DNAJC1: variants seen among roughly 807,000 people sequenced by gnomAD.
DNAJC1 encodes DnaJ heat shock protein family (Hsp40) member C1.
In DNAJC1, 58 loss-of-function variants were observed where a neutral mutation model predicts 76.6. The ratio of observed to expected loss-of-function variants is 0.76; its 90% confidence interval spans 0.61 to 0.94. DNAJC1 has a LOEUF of 0.94. Ranked by LOEUF, DNAJC1 falls within the 40% of genes least tolerant of loss-of-function variation. The probability of loss-of-function intolerance (pLI) is 0.00; values close to 1 mark genes in which losing one functional copy is unlikely to be tolerated. For missense variants in DNAJC1, 689 were observed against 677.3 expected (o/e 1.02, Z -0.19); for synonymous variants, 258 against 267.9 (o/e 0.96, Z 0.36).
rs1204570851 is a variant in DNAJC1, at chr10:21,774,410, C to T, written c.1099-8101G>A. Among the ~76,000 whole-genome samples the T allele has an allele frequency of 2.6e-5, 4 of 152,074 alleles. No individual in the cohort carries two copies. The East Asian group carries it at 7.7e-4, about 29-fold the overall frequency. On this transcript the variant is annotated intron_variant, in intron 9 of 11. Transcript: ENST00000376980. ...CATAACCTGAGATTCATATAACTCT[C>T]TAACATCTTAAAGTCATGCTACAGC... is the stretch of plus-strand genomic sequence containing the variant.
chr10:21,761,368 T>C (rs758478039), intron 10 of DNAJC1, among the ~76,000 whole-genome samples: 9 of 152,112 alleles, frequency 5.9e-5, no homozygotes, highest in Non-Finnish European at 1.0e-4. Context: ...GAGACCAGCC[T>C]GGCCAACATG....
rs897031948 is a variant in DNAJC1 at position 21,979,382 on chromosome 10, A to G, written c.222+23831T>C. Reference sequence around the variant, plus strand: ...GATCTAAAGAATCTATATCCCAAATAAGGAAGCATGAGAACAAGGGTTTAA... The same window carrying G: ...GATCTAAAGAATCTATATCCCAAATGAGGAAGCATGAGAACAAGGGTTTAA... On this transcript the variant is annotated intron_variant, in intron 1 of 11. Transcript: ENST00000376980. 2.0e-5 allele frequency among the ~76,000 whole-genome samples: 3 copies of G among 152,050 alleles called. No homozygotes were observed. In the East Asian group the frequency reaches 5.8e-4, roughly 29 times the overall value.
chr10:21,759,579 T>C lies in DNAJC1; in HGVS notation c.1187A>G (p.Asn396Ser), dbSNP rs1324286848. Residue 396 changes from asparagine (N) to serine (S), a missense_variant, in exon 11 of 12, where the codon AAT becomes AGT. Physicochemically the swap from Asn to Ser is conservative, Grantham distance 46. Transcript: ENST00000376980. Reference protein sequence around the residue: ...RLSELKSTVQNSRPIKTATTL... With the variant: ...RLSELKSTVQSSRPIKTATTL... ...GGTGGCCGTTTTGATGGGCCTGGAA[T>C]TCTGAACTGTCGATTTGAGTTCGGA... The C allele has an allele frequency of 1.3e-5, 21 of 1,614,004 alleles. No individual in the cohort carries two copies. The highest frequency in any genetic ancestry group is 1.8e-5 in the Non-Finnish European group (21 of 1,180,044).
intron 8 of DNAJC1, among the ~76,000 whole-genome samples, chr10:21,835,884 C>A (rs1352692727): frequency 6.6e-6 from 1 of 152,140 alleles, no homozygotes; most frequent in African/African-American, 2.4e-5. Flanking sequence ...AGAATGGAAC[C>A]AAGTTGGAAA....
Position 21,942,283 on chromosome 10 carries a change from T to G in DNAJC1, c.223-13142A>C, listed in dbSNP as rs76741542. Among the ~76,000 whole-genome samples, 397 of 152,124 alleles carry G rather than the reference T, an allele frequency of 2.6e-3. 2 individuals carry two copies. The highest frequency in any genetic ancestry group is 9.2e-3 in the African/African-American group (383 of 41,510). ...ATAAAAGGTCTAATCCACTGAAAAGTTAAAACAGTCATAAACCCTTATGTT... is the reference window on the plus strand; with the variant it reads ...ATAAAAGGTCTAATCCACTGAAAAGGTAAAACAGTCATAAACCCTTATGTT... On this transcript the variant is annotated intron_variant, in intron 1 of 11. Transcript: ENST00000376980.
At chr10:21,830,888 T>C (rs1277477102) in intron 8 of DNAJC1, among the ~76,000 whole-genome samples, 5 of 152,186 alleles carry the variant, frequency 3.3e-5, no homozygotes, top group Admixed American at 6.5e-5. Context: ...ATTTCATTTC[T>C]AAAAGTTCTT....
At chr10:21,962,144 GTACATAA>G (rs1408432307) in intron 1 of DNAJC1, among the ~76,000 whole-genome samples, 6 of 151,924 alleles carry the variant, frequency 3.9e-5, no homozygotes, top group Non-Finnish European at 7.4e-5. Flanking sequence ...ATTGTAACTA[GTACATAA>G]TACATATTTT....
At chr10:21,912,756 C>CT (rs938491944) in intron 6 of DNAJC1, among the ~76,000 whole-genome samples, 3 of 151,898 alleles carry the variant, frequency 2.0e-5, no homozygotes, top group African/African-American at 4.8e-5. Flanking sequence ...CTTTTAGAAG[C>CT]TTTTTTTCCT....
At chr10:21,829,246 G>A (rs921828254) in intron 8 of DNAJC1, among the ~76,000 whole-genome samples, 11 of 150,438 alleles carry the variant, frequency 7.3e-5, no homozygotes, top group African/African-American at 2.4e-4. Context: ...ATGGAGTCTC[G>A]CTTTGTCGCC....
At chr10:21,811,459 C>T (rs900155878) in intron 8 of DNAJC1, among the ~76,000 whole-genome samples, 1 of 152,204 alleles carries the variant, frequency 6.6e-6, no homozygotes, top group Non-Finnish European at 1.5e-5. Flanking sequence ...CTGCGTGTCT[C>T]CCACAGACTC....
At chr10:21,967,631 G>C (rs916894576) in intron 1 of DNAJC1, among the ~76,000 whole-genome samples, 2 of 152,310 alleles carry the variant, frequency 1.3e-5, no homozygotes, top group South Asian at 4.1e-4. Flanking sequence ...CTGTAACAAA[G>C]AGATCCTAAA....
At chr10:21,826,954 C>T (rs1358041916) in intron 8 of DNAJC1, among the ~76,000 whole-genome samples, 1 of 149,522 alleles carries the variant, frequency 6.7e-6, no homozygotes, top group East Asian at 1.9e-4. Flanking sequence ...CAACTCTGTT[C>T]TTGTTCAAGT....
chr10:21,921,826 A>G (rs1837046294), intron 3 of DNAJC1, among the ~76,000 whole-genome samples: 1 of 152,070 alleles, frequency 6.6e-6, no homozygotes. Flanking sequence ...ATCATTGAAC[A>G]AATATCTTTG....
intron 1 of DNAJC1, among the ~76,000 whole-genome samples, chr10:21,938,325 A>C (rs1837347618): frequency 6.6e-6 from 1 of 152,030 alleles, no homozygotes; most frequent in African/African-American, 2.4e-5. Flanking sequence ...TCAGAAGAAA[A>C]TTTACAGTTA....
chr10:22,002,498 A>G (rs1470771419), intron 1 of DNAJC1, among the ~76,000 whole-genome samples: 1 of 152,238 alleles, frequency 6.6e-6, no homozygotes, highest in African/African-American at 2.4e-5. Context: ...ACCCATTCCT[A>G]CATTACTGAC....
intron 8 of DNAJC1, among the ~76,000 whole-genome samples, chr10:21,881,429 A>G (rs779760025): frequency 6.6e-6 from 1 of 152,150 alleles, no homozygotes; most frequent in Non-Finnish European, 1.5e-5. Flanking sequence ...AATCATTTTT[A>G]TGTAAAGTGA....
chr10:21,961,739 T>C lies in DNAJC1; in HGVS notation c.223-32598A>G, dbSNP rs143619022. 4.4e-4 allele frequency among the ~76,000 whole-genome samples: 67 copies of C among 152,328 alleles called. 2 individuals are homozygous for C. The highest frequency in any genetic ancestry group is 4.3e-3 in the Admixed American group (66 of 15,306). ...TGGGTAAAATGGTAAATTTTTGTTA[T>C]ACACATTTTACTTTTGTTTTTTAAA... is the stretch of plus-strand genomic sequence containing the variant. On this transcript the variant is annotated intron_variant, in intron 1 of 11. Transcript: ENST00000376980.
At chr10:21,783,794 A>G (rs1834567263) in intron 9 of DNAJC1, among the ~76,000 whole-genome samples, 1 of 152,240 alleles carries the variant, frequency 6.6e-6, no homozygotes. Flanking sequence ...AAAAACAAGA[A>G]ATGGGGAAAG....
intron 3 of DNAJC1, among the ~76,000 whole-genome samples, 186 bp downstream of exon 3, chr10:21,928,320 A>G (rs1353017467): frequency 1.3e-5 from 2 of 152,190 alleles, no homozygotes; most frequent in Non-Finnish European, 1.5e-5. Flanking sequence ...TATCAAATCA[A>G]TCTAGTGAAT....
Sources: gnomAD v4.1 joint callset for allele counts (sites outside exome capture counted in the v4.1 genomes callset) on GRCh38, gnomAD v4.1.1 for gene constraint, MANE v1.5 for transcripts, NCBI Gene and HGNC (gene_info 2026-07-23, HGNC 2026-07-21) for gene names.